Variants in GRID2 observed in about 807,000 individuals in gnomAD.
GRID2 encodes glutamate ionotropic receptor delta type subunit 2.
A neutral mutation model predicts 114.8 loss-of-function variants in GRID2; 33 were observed. The ratio of observed to expected loss-of-function variants is 0.29; its 90% CI spans 0.22 to 0.38. The LOEUF (loss-of-function observed/expected upper bound fraction) is 0.38, where lower values mean the gene tolerates loss of function less well. Among genes scored for constraint, GRID2 ranks in the 10% least tolerant of loss-of-function variants. GRID2 has a pLI of 1.00. For synonymous variants in GRID2, 505 were observed against 449.9 expected, an observed-to-expected ratio of 1.12 and a Z score of -1.55; for missense variants, 1,184 against 1,257.7, an observed-to-expected ratio of 0.94 and a Z score of 0.89.
chr4:92,988,448 A>C (rs1352876763), intron 2 of GRID2, among the ~76,000 whole-genome samples: 2 of 152,200 alleles, frequency 1.3e-5, no homozygotes, highest in Non-Finnish European at 2.9e-5. Flanking sequence ...GACAAAAGCC[A>C]GACTCTTCTT....
intron 11 of GRID2, among the ~76,000 whole-genome samples, chr4:93,470,964 ATGTT>A (rs1332415535): frequency 3.0e-4 from 45 of 152,168 alleles, no homozygotes; most frequent in Non-Finnish European, 5.1e-4. Flanking sequence ...AAGTAACACA[ATGTT>A]TGTTAGACGT....
chr4:93,187,713 C>T (rs1383268115), intron 4 of GRID2, among the ~76,000 whole-genome samples: 1 of 152,102 alleles, frequency 6.6e-6, no homozygotes, highest in East Asian at 1.9e-4. Context: ...TAGCTGTGAG[C>T]CTGTGAAATA....
chr4:93,233,320 A>G (rs934890298), intron 7 of GRID2, among the ~76,000 whole-genome samples: 1 of 95,756 alleles, frequency 1.0e-5, no homozygotes, highest in Admixed American at 1.4e-4. Context: ...AAGGATTATT[A>G]TTATTATTAT....
chr4:93,455,608 A>G (rs77359418), intron 10 of GRID2, 54 bp from the exon 11 acceptor site: 131 of 1,246,344 alleles, frequency 1.1e-4, no homozygotes, highest in Non-Finnish European at 1.5e-4. Flanking sequence ...AAGTGGCACA[A>G]ATGAAATTGT....
At chr4:93,786,213 C>T (rs1172565858) in intron 1 of GRID2, among the ~76,000 whole-genome samples, 2 of 152,128 alleles carry the variant, frequency 1.3e-5, no homozygotes, top group Non-Finnish European at 1.5e-5. Flanking sequence ...CGGGTGAGAA[C>T]AGTGTTCAGA....
intron 2 of GRID2, among the ~76,000 whole-genome samples, chr4:92,663,024 A>C (rs1228720655): frequency 6.6e-6 from 1 of 151,024 alleles, no homozygotes; most frequent in African/African-American, 2.4e-5. Context: ...ATATATATTT[A>C]TCAGTCAAAC....
At chr4:93,647,066 G>A (rs1286734576) in intron 14 of GRID2, among the ~76,000 whole-genome samples, 1 of 152,250 alleles carries the variant, frequency 6.6e-6, no homozygotes, top group Non-Finnish European at 1.5e-5. Flanking sequence ...TTGAAAGGTA[G>A]AAGGTACTTA....
intron 8 of GRID2, among the ~76,000 whole-genome samples, chr4:93,288,958 G>A (rs745697401): frequency 1.1e-4 from 17 of 152,084 alleles, no homozygotes; most frequent in Non-Finnish European, 1.5e-4. Flanking sequence ...ATTTTTTCCT[G>A]CAATTTTCTT....
intron 2 of GRID2, among the ~76,000 whole-genome samples, chr4:93,083,695 CAAAAAAAA>C (rs34205612): frequency 1.3e-5 from 1 of 75,772 alleles, no homozygotes. Context: ...GACTCCATCT[CAAAAAAAA>C]AAAAAAAAAA....
intron 2 of GRID2, among the ~76,000 whole-genome samples, chr4:92,843,253 A>C (rs1020892928): frequency 6.6e-6 from 1 of 151,970 alleles, no homozygotes; most frequent in Non-Finnish European, 1.5e-5. Flanking sequence ...GAAAAAAAAT[A>C]AAATAATAAA....
At chr4:93,806,246 G>A (rs1256029748) in intron 1 of GRID2, among the ~76,000 whole-genome samples, 2 of 152,098 alleles carry the variant, frequency 1.3e-5, no homozygotes, top group Admixed American at 6.6e-5. Flanking sequence ...GCATGGTCTG[G>A]AACCAATAAC....
chr4:92,746,955 AAC>A (rs1737177249), intron 2 of GRID2, among the ~76,000 whole-genome samples: 1 of 152,132 alleles, frequency 6.6e-6, no homozygotes, highest in Non-Finnish European at 1.5e-5. Flanking sequence ...CATTATTTCT[AAC>A]ACGTCAATGT....
chr4:93,134,380 T>A (rs1181545775), intron 4 of GRID2, among the ~76,000 whole-genome samples: 5 of 152,170 alleles, frequency 3.3e-5, no homozygotes, highest in Non-Finnish European at 5.9e-5. Flanking sequence ...TAAATGTGAA[T>A]CTGAACTGAG....
intron 1 of GRID2, among the ~76,000 whole-genome samples, chr4:92,553,682 C>T (rs1160753521): frequency 6.6e-6 from 1 of 150,992 alleles, no homozygotes; most frequent in Non-Finnish European, 1.5e-5. Flanking sequence ...TAGACAGTCT[C>T]TCTCTGTCGC....
chr4:93,264,735 T>G (rs1006327721), intron 8 of GRID2, among the ~76,000 whole-genome samples: 24 of 97,348 alleles, frequency 2.5e-4, no homozygotes, highest in Non-Finnish European at 4.4e-4. Context: ...TCATTTGAAT[T>G]ATATATATAT....
At chr4:93,621,870 T>C (rs1285401662) in intron 13 of GRID2, among the ~76,000 whole-genome samples, 2 of 152,192 alleles carry the variant, frequency 1.3e-5, no homozygotes, top group Admixed American at 6.5e-5. Context: ...GGAACATTAG[T>C]ATTGCAAGAG....
intron 11 of GRID2, among the ~76,000 whole-genome samples, chr4:93,460,790 C>G (rs760450591): frequency 1.3e-5 from 2 of 152,078 alleles, no homozygotes; most frequent in Non-Finnish European, 2.9e-5. Flanking sequence ...ATTATAGTCT[C>G]AAATAAAACA....
chr4:93,237,434 A>G (rs1746927363), intron 7 of GRID2, among the ~76,000 whole-genome samples: 1 of 151,928 alleles, frequency 6.6e-6, no homozygotes, highest in African/African-American at 2.4e-5. Context: ...ACCAGCCAGA[A>G]AAGACTGGAA....
chr4:92,467,154 A>C (rs1721800708), intron 1 of GRID2, among the ~76,000 whole-genome samples: 1 of 151,822 alleles, frequency 6.6e-6, no homozygotes, highest in South Asian at 2.1e-4. Context: ...TTTACACAAT[A>C]TTTTATTTGA....
Sources: gnomAD v4.1 joint callset for allele counts (sites outside exome capture counted in the v4.1 genomes callset) on GRCh38, gnomAD v4.1.1 for gene constraint, MANE v1.5 for transcripts, NCBI Gene and HGNC (gene_info 2026-07-23, HGNC 2026-07-21) for gene names.